Variants in IL16 observed in about 807,000 individuals in gnomAD.
The protein encoded by IL16 is interleukin 16.
In IL16, 67 loss-of-function variants were observed where a neutral mutation model predicts 110.1. The ratio of observed to expected loss-of-function variants is 0.61; its 90% confidence interval spans 0.50 to 0.75. The LOEUF (loss-of-function observed/expected upper bound fraction) is 0.75. Among genes scored for constraint, IL16 ranks in the 30% least tolerant of loss-of-function variants. The probability of loss-of-function intolerance (pLI) is 0.00; values close to 1 mark genes in which losing one functional copy is unlikely to be tolerated. For synonymous variants in IL16, 689 were observed against 662.9 expected, an observed-to-expected ratio of 1.04 and a Z score of -0.61; for missense variants, 1,545 against 1,655.0, an observed-to-expected ratio of 0.93 and a Z score of 1.15.
At chr15:81,236,707 A>C (rs994376647) in intron 2 of IL16, among the ~76,000 whole-genome samples, 1 of 152,074 alleles carries the variant, frequency 6.6e-6, no homozygotes, top group Non-Finnish European at 1.5e-5. Flanking sequence ...TGTAATTACA[A>C]TACTTTGGGA....
In IL16 at chr15:81,263,032, A is replaced by G. The variant is rs549538114; in HGVS notation, c.422-2627A>G. Among the ~76,000 whole-genome samples, 4 of 152,250 alleles carry G rather than the reference A, an allele frequency of 2.6e-5. No individual in the cohort carries two copies. In the East Asian group the frequency reaches 7.7e-4, roughly 29 times the overall value. ...CTTTTTATTTTGATGATTCCTTGCC[A>G]TTTGTTTGTTCTTGGCCTCTTGCTA... On this transcript the variant is annotated intron_variant, in intron 3 of 18. Transcript: ENST00000683961.
At chr15:81,266,422 C>T (rs982527643) in intron 4 of IL16, among the ~76,000 whole-genome samples, 1 of 152,156 alleles carries the variant, frequency 6.6e-6, no homozygotes, top group Admixed American at 6.5e-5. Flanking sequence ...ACCTATAGGA[C>T]CAGAATTTAA....
chr15:81,305,843 C>T (rs1292399123), intron 16 of IL16, 65 bp from the exon 17 acceptor site: 2 of 1,572,214 alleles, frequency 1.3e-6, no homozygotes, highest in African/African-American at 2.7e-5. Context: ...GTTCAATCCT[C>T]CTCCAGCAAG....
At chr15:81,278,429 A>G (rs954207431) in intron 6 of IL16, among the ~76,000 whole-genome samples, 6 of 152,206 alleles carry the variant, frequency 3.9e-5, no homozygotes, top group Non-Finnish European at 5.9e-5. Context: ...AATGGCATGG[A>G]CAAGCATTTA....
chr15:81,196,787 G>A, upstream of IL16: 1 of 1,063,164 alleles, frequency 9.4e-7, no homozygotes, highest in South Asian at 2.2e-5. Flanking sequence ...TCTCAGCACT[G>A]GCAGCCCCCC....
rs371801543 is a variant in IL16, at chr15:81,272,760, AT to A, written c.676-328del. Among the ~76,000 whole-genome samples, 123 of 152,332 alleles carry A rather than the reference AT, an allele frequency of 8.1e-4. 2 individuals are homozygous for A. The East Asian group carries it at 0.018, about 22-fold the overall frequency. ...AACTGAGGTTCAGAAGCAGAAAGTG[AT>A]TGGCCCAGGATTGCCAACTGGAGGG... On this transcript the variant is annotated intron_variant, in intron 5 of 18. Coordinates refer to ENST00000683961, the MANE Select transcript of IL16 (RefSeq NM_172217.5).
chr15:81,306,311 C>A, intron 17 of IL16, 109 bp from the exon 18 acceptor site: 1 of 1,532,228 alleles, frequency 6.5e-7, no homozygotes, highest in Non-Finnish European at 8.8e-7. Flanking sequence ...TTTACATGTG[C>A]CTGTGTGCAA....
intron 1 of IL16, among the ~76,000 whole-genome samples, chr15:81,213,915 C>T (rs549999620): frequency 6.6e-6 from 1 of 152,126 alleles, no homozygotes; most frequent in East Asian, 1.9e-4. Context: ...TGATCCTGTC[C>T]TCATGTTTTG....
rs1389933998 is a variant in IL16, at chr15:81,197,112, A to G, written c.-142A>G. ...TGGAGAGAGGAGCAAGGGAGATGGC[A>G]GCCCCGGGGGACTGTGCATAGGGAG... On this transcript the variant is annotated 5_prime_UTR_variant, in exon 1 of 19. Transcript: ENST00000683961. 4 of 1,288,914 alleles carry G rather than the reference A, an allele frequency of 3.1e-6. No homozygotes were observed. Among genetic ancestry groups the G allele is most frequent in the Non-Finnish European group, 4.0e-6 (4 of 988,528 alleles). 79.8% of individuals were successfully genotyped at this position (1,288,914 alleles called of 1,614,324 possible). A position where few individuals can be genotyped will look rare whatever the true frequency, so the allele number is the denominator to read the frequency against.
chr15:81,267,473 T>TACAC (rs1898433767), intron 4 of IL16, among the ~76,000 whole-genome samples: 1 of 90,112 alleles, frequency 1.1e-5, no homozygotes, highest in South Asian at 3.4e-4. Flanking sequence ...CAGACACACA[T>TACAC]ACACAGACAC....
intron 7 of IL16, among the ~76,000 whole-genome samples, chr15:81,279,177 T>C (rs915647903): frequency 6.6e-6 from 1 of 152,262 alleles, no homozygotes; most frequent in African/African-American, 2.4e-5. Context: ...GTTTTTAAGA[T>C]AATTGCTAAA....
intron 12 of IL16, chr15:81,295,561 C>A: frequency 8.1e-7 from 1 of 1,232,146 alleles, no homozygotes; most frequent in Non-Finnish European, 1.1e-6. Flanking sequence ...CTCTTGTGGA[C>A]AAGAGACTTA....
chr15:81,296,890 C>A (rs538610339), intron 12 of IL16, 38 bp from the exon 13 acceptor site: 1 of 1,547,068 alleles, frequency 6.5e-7, no homozygotes, highest in East Asian at 2.3e-5. Flanking sequence ...CTTGAGGCTA[C>A]CGTTTTGACA....
intron 2 of IL16, among the ~76,000 whole-genome samples, chr15:81,256,263 C>T (rs1897940859): frequency 1.3e-5 from 2 of 151,194 alleles, no homozygotes; most frequent in African/African-American, 4.9e-5. Flanking sequence ...CAGTCATCAT[C>T]ATTAGATAAT....
chr15:81,263,356 G>GTTTTTTT (rs35967550), intron 3 of IL16, among the ~76,000 whole-genome samples: 1 of 126,858 alleles, frequency 7.9e-6, no homozygotes. Context: ...ATTTTTTTTT[G>GTTTTTTT]TTTTTTTTTT....
rs1391768615 is a variant in IL16 at position 81,312,299 on chromosome 15, CA to C, written c.*3502del. ...GCCCCTGTGAGTTTGTACAGTCTTGCAGCAGGATCTAGAGGGGGGATTTCCA... is the reference window on the plus strand; with the variant it reads ...GCCCCTGTGAGTTTGTACAGTCTTGCGCAGGATCTAGAGGGGGGATTTCCA... On this transcript the variant is annotated 3_prime_UTR_variant, in exon 19 of 19. Transcript: ENST00000683961. The C allele has an allele frequency of 2.6e-5, 4 of 152,386 alleles. No individual in the cohort carries two copies. Among genetic ancestry groups the C allele is most frequent in the African/African-American group, 9.6e-5 (4 of 41,580 alleles). The allele number at this position is 152,386 out of a possible 1,614,324, so 9.4% of individuals were successfully genotyped here.
At chr15:81,200,870 C>G (rs1895785124) in intron 1 of IL16, among the ~76,000 whole-genome samples, 1 of 152,122 alleles carries the variant, frequency 6.6e-6, no homozygotes, top group African/African-American at 2.4e-5. Context: ...TTTTTCTGTA[C>G]TTACCTCCTC....
chr15:81,247,185 C>A lies in IL16; in HGVS notation c.313-12587C>A, dbSNP rs773939815. ...TAATTTTGTCAACTCCCCTATTATACGTGTATTTTTATTTAATAAATTTTG... is the reference window on the plus strand; with the variant it reads ...TAATTTTGTCAACTCCCCTATTATAAGTGTATTTTTATTTAATAAATTTTG... On this transcript the variant is annotated intron_variant, in intron 2 of 18. Transcript: ENST00000683961. Among the ~76,000 whole-genome samples the A allele has an allele frequency of 7.5e-5, 11 of 145,938 alleles. No homozygotes were observed. In the South Asian group the frequency reaches 1.1e-3, roughly 15 times the overall value.
chr15:81,305,908 G>A lies in IL16; in HGVS notation c.3421G>A (p.Val1141Ile). The change falls in exon 17 of 19, where the codon GTT becomes ATT. Residue 1141 changes from valine to isoleucine, a missense_variant and splice_region_variant. By Grantham distance (29) the Val-to-Ile change is conservative (BLOSUM62 3). This residue lies in a region of IL16 where 356 missense variants were observed against 399.3 expected (regional missense o/e 0.89). Transcript: ENST00000683961. ...GADLENKVITVHRVFPNGLAS... is the reference protein window; with the variant it reads ...GADLENKVITIHRVFPNGLAS... ...TCCTGACTTCCTTTGGTTTGCTCAGGTTCACAGAGTGTTTCCAAATGGGCT... is the reference window on the plus strand; with the variant it reads ...TCCTGACTTCCTTTGGTTTGCTCAGATTCACAGAGTGTTTCCAAATGGGCT... 2 of 1,614,050 alleles carry A rather than the reference G, an allele frequency of 1.2e-6. No homozygotes were observed. Among genetic ancestry groups the A allele is most frequent in the Non-Finnish European group, 1.7e-6 (2 of 1,179,922 alleles).
Sources: allele counts gnomAD v4.1 joint callset (sites outside exome capture counted in the v4.1 genomes callset), GRCh38; gene constraint gnomAD v4.1.1; regional missense constraint gnomAD v4.1.1; transcripts MANE v1.5; gene names NCBI Gene and HGNC (gene_info 2026-07-23, HGNC 2026-07-21).